RGPD1: variants seen among roughly 807,000 people sequenced by gnomAD.
RGPD1 encodes RANBP2 like and GRIP domain containing 1, also known as RANBP2-like and GRIP domain-containing protein 1.
RGPD1 carries 7 observed loss-of-function variants against 40.6 expected under a neutral mutation model. The observed-to-expected ratio is 0.17, with a 90% CI of 0.10 to 0.32. RGPD1 has a LOEUF of 0.32. RGPD1 is among the 10% of genes least tolerant of loss of function. RGPD1 has a pLI of 1.00. For missense variants in RGPD1, 50 were observed against 472.5 expected (o/e 0.11, Z 8.29); for synonymous variants, 24 against 167.0 (o/e 0.14, Z 6.60).
chr2:86,931,941 TTATG>T (rs1305457491), intron 1 of RGPD1, among the ~76,000 whole-genome samples: 59 of 148,384 alleles, frequency 4.0e-4, no homozygotes, highest in African/African-American at 1.4e-3. Context: ...ATATATATAT[TTATG>T]TATTATATTC....
chr2:87,009,165 C>T (rs1374722095), intron 22 of RGPD1, among the ~76,000 whole-genome samples: 3 of 43,194 alleles, frequency 6.9e-5, no homozygotes, highest in East Asian at 9.5e-4. Context: ...ATTAGCGGGG[C>T]GTGGTGGCAG....
At chr2:86,928,788 C>T (rs1246826969) in intron 1 of RGPD1, among the ~76,000 whole-genome samples, 1 of 152,144 alleles carries the variant, frequency 6.6e-6, no homozygotes, top group Non-Finnish European at 1.5e-5. Flanking sequence ...ATATAAATAT[C>T]TGGAATTCTT....
At chr2:86,925,047 T>G (rs1210070590) in intron 1 of RGPD1, among the ~76,000 whole-genome samples, 1 of 152,206 alleles carries the variant, frequency 6.6e-6, no homozygotes, top group Non-Finnish European at 1.5e-5. Context: ...TAAACACTCT[T>G]TCATGTGCTC....
intron 1 of RGPD1, among the ~76,000 whole-genome samples, chr2:86,942,561 G>A (rs866828169): frequency 2.3e-5 from 1 of 44,012 alleles, no homozygotes; most frequent in Non-Finnish European, 5.6e-5. Context: ...CGGCCTCGAC[G>A]TGGCCCGGCG....
intron 1 of RGPD1, among the ~76,000 whole-genome samples, chr2:86,927,322 AG>A (rs1318149716): frequency 1.4e-5 from 2 of 148,138 alleles, no homozygotes; most frequent in African/African-American, 5.0e-5. Context: ...AACTCATATC[AG>A]GTCTCAGGTT....
chr2:86,988,485 T>C (rs1365876776), intron 20 of RGPD1, among the ~76,000 whole-genome samples: 1 of 84,754 alleles, frequency 1.2e-5, no homozygotes, highest in Admixed American at 1.1e-4. Context: ...AACCATGATA[T>C]TGAGATGTTC....
intron 1 of RGPD1, among the ~76,000 whole-genome samples, chr2:86,943,394 T>C (rs1302847624): frequency 6.6e-6 from 1 of 151,658 alleles, no homozygotes; most frequent in Non-Finnish European, 1.5e-5. Context: ...CACAAATGTT[T>C]TTAGGGTATT....
At chr2:86,942,104 AG>A (rs1679822552), upstream of RGPD1, 1 of 1,260,446 alleles carries the variant, frequency 7.9e-7, no homozygotes, top group Admixed American at 2.4e-5. Context: ...GTGCTGACGC[AG>A]TACACAAGTG....
chr2:86,914,052 GGCGGCCT>G (rs1677593813), intron 1 of RGPD1: 2 of 42,792 alleles, frequency 4.7e-5, no homozygotes, highest in Admixed American at 5.2e-4. Flanking sequence ...CGGCGGCGGC[GGCGGCCT>G]CGGCCTCGGC....
At chr2:86,914,986 G>C (rs1677723394) in intron 1 of RGPD1, among the ~76,000 whole-genome samples, 1 of 149,264 alleles carries the variant, frequency 6.7e-6, no homozygotes, top group African/African-American at 2.5e-5. Flanking sequence ...GGGGAATATT[G>C]TGCAGTATAA....
intron 6 of RGPD1, among the ~76,000 whole-genome samples, chr2:86,960,941 G>A (rs1172308562): frequency 9.8e-5 from 2 of 20,478 alleles, no homozygotes; most frequent in Non-Finnish European, 1.7e-4. Context: ...CCAAAGTACT[G>A]GAAGGTCTCA....
intron 1 of RGPD1, among the ~76,000 whole-genome samples, chr2:86,943,480 G>A (rs1573611219): frequency 6.6e-6 from 1 of 152,014 alleles, no homozygotes; most frequent in Non-Finnish European, 1.5e-5. Flanking sequence ...AAAGAGTGAC[G>A]GAAGAAGCTA....
intron 4 of RGPD1, among the ~76,000 whole-genome samples, chr2:86,955,945 A>T (rs62148282): frequency 2.0e-4 from 30 of 149,674 alleles, no homozygotes; most frequent in African/African-American, 7.6e-4. Flanking sequence ...TGTAACAAGT[A>T]AGATACTTTG....
intron 1 of RGPD1, chr2:86,922,813 TA>T (rs2104669435): frequency 5.9e-6 from 1 of 170,782 alleles, no homozygotes; most frequent in African/African-American, 3.0e-5. Flanking sequence ...TTATTTATTT[TA>T]ATACTGAATA....
At chr2:86,923,059 A>G (rs1247704730) in intron 1 of RGPD1, among the ~76,000 whole-genome samples, 2 of 96,558 alleles carry the variant, frequency 2.1e-5, no homozygotes, top group Non-Finnish European at 3.9e-5. Context: ...TTTTTTTGAG[A>G]CGGAGTATCG....
At chr2:86,951,873 GTTTTTTTTTTTT>G (rs71269535) in intron 2 of RGPD1, among the ~76,000 whole-genome samples, 12 of 50,980 alleles carry the variant, frequency 2.4e-4, no homozygotes, top group Non-Finnish European at 2.8e-4. Flanking sequence ...GGGAGGCAGG[GTTTTTTTTTTTT>G]TTTTTTTTTT....
At chr2:86,925,379 G>T (rs1460338659) in intron 1 of RGPD1, among the ~76,000 whole-genome samples, 1 of 150,940 alleles carries the variant, frequency 6.6e-6, no homozygotes, top group Non-Finnish European at 1.5e-5. Flanking sequence ...CCATTCTCCT[G>T]CCTCAGCCTC....
chr2:86,935,892 A>G (rs1157077657), intron 1 of RGPD1, among the ~76,000 whole-genome samples: 1 of 147,194 alleles, frequency 6.8e-6, no homozygotes, highest in Non-Finnish European at 1.5e-5. Flanking sequence ...ATATTTAAAA[A>G]TTCTTAATTT....
At chr2:86,915,190 G>A (rs1677734302) in intron 1 of RGPD1, among the ~76,000 whole-genome samples, 1 of 150,186 alleles carries the variant, frequency 6.7e-6, no homozygotes, top group African/African-American at 2.5e-5. Context: ...CAGCTACTTG[G>A]GAGTCTGAGG....
Sources: gnomAD v4.1 joint callset for allele counts (sites outside exome capture counted in the v4.1 genomes callset) on GRCh38, gnomAD v4.1.1 for gene constraint, MANE v1.5 for transcripts, NCBI Gene and HGNC (gene_info 2026-07-23, HGNC 2026-07-21) for gene names.